Variants in MCM3 observed in about 807,000 individuals in gnomAD.
MCM3 encodes minichromosome maintenance complex component 3.
Under a neutral mutation model 91.3 loss-of-function variants are expected in MCM3, and 59 were observed. The observed-to-expected ratio is 0.65, with a 90% CI of 0.52 to 0.80. MCM3 has a LOEUF of 0.80. Ranked by LOEUF, MCM3 falls within the 30% of genes least tolerant of loss-of-function variation. MCM3 has a pLI of 0.00. For synonymous variants in MCM3, 383 were observed against 379.6 expected (o/e 1.01, Z -0.10); for missense variants, 919 against 1,035.4 (o/e 0.89, Z 1.54).
At chr6:52,274,003 G>A in intron 9 of MCM3, 87 bp from the exon 10 acceptor site, 1 of 1,073,436 alleles carries the variant, frequency 9.3e-7, no homozygotes. Context: ...GAGTGGGAAT[G>A]AAAGGCTTGA....
Position 52,284,540 on chromosome 6 carries a change from G to T in MCM3, c.78+57C>A, listed in dbSNP as rs1007539939. The T allele has an allele frequency of 1.2e-5, 18 of 1,511,412 alleles. 1 individual carries two copies. Among genetic ancestry groups the T allele is most frequent in the Middle Eastern group, 4.4e-4 (2 of 4,548 alleles). 93.6% of individuals were successfully genotyped at this position (1,511,412 alleles called of 1,614,324 possible). A position where few individuals can be genotyped will look rare whatever the true frequency, so the allele number is the denominator to read the frequency against. ...CTGGCGGGCCTCTGGCTTCCCGGCC[G>T]GGCCGCGTCCGCAGGGGCTCCGAGC... On this transcript the variant is annotated intron_variant, in intron 1 of 16. Coordinates refer to ENST00000596288, the MANE Select transcript of MCM3 (RefSeq NM_002388.6).
At chr6:52,268,091 T>C in intron 13 of MCM3, 123 bp from the exon 14 acceptor site, 3 of 1,326,216 alleles carry the variant, frequency 2.3e-6, no homozygotes, top group South Asian at 1.2e-5. Flanking sequence ...ATGGTTTACC[T>C]AGCTCCTCTT....
chr6:52,278,908 T>G (rs1433620611), intron 5 of MCM3, 58 bp from the exon 6 acceptor site: 2 of 1,246,680 alleles, frequency 1.6e-6, no homozygotes, highest in African/African-American at 3.0e-5. Context: ...CATCAGTAGC[T>G]AGTACCCCTA....
chr6:52,275,299 G>A (rs899354270), intron 9 of MCM3, among the ~76,000 whole-genome samples: 1 of 152,160 alleles, frequency 6.6e-6, no homozygotes, highest in Non-Finnish European at 1.5e-5. Context: ...ATGAGCTCTG[G>A]GCTCAAATCC....
intron 9 of MCM3, among the ~76,000 whole-genome samples, chr6:52,274,792 A>C (rs1342487534): frequency 6.6e-6 from 1 of 152,110 alleles, no homozygotes; most frequent in African/African-American, 2.4e-5. Context: ...ACCCATCCAC[A>C]TACACTTCAC....
At chr6:52,281,801 A>T (rs1024474829) in intron 4 of MCM3, among the ~76,000 whole-genome samples, 2 of 152,162 alleles carry the variant, frequency 1.3e-5, no homozygotes, top group Admixed American at 1.3e-4. Flanking sequence ...ACCTGCAAAT[A>T]CCCACTGCAC....
Position 52,273,827 on chromosome 6 carries a change from C to A in MCM3, c.1464G>T (p.Gln488His), listed in dbSNP as rs775833651. 7 of 1,614,086 alleles carry A rather than the reference C, an allele frequency of 4.3e-6. No individual in the cohort carries two copies. In the South Asian group the frequency reaches 7.7e-5, roughly 18 times the overall value. Residue 488 changes from glutamine to histidine, a missense_variant, in exon 10 of 17, where the codon CAG (glutamine) becomes CAT (histidine). By Grantham distance (24) the Gln-to-His change is conservative. Around this residue, in one of 3 missense-constraint regions of MCM3, gnomAD observed 233 missense variants for 321.2 expected, o/e 0.73. Transcript: ENST00000596288. ...RFDLLFIMLDQMDPEQDREIS... is the reference protein window; with the variant it reads ...RFDLLFIMLDHMDPEQDREIS... ...TCTCCCGATCCTGCTCAGGATCCAT[C>A]TGATCCAGCATGATGAAGAGCAAGT...
chr6:52,278,823 C>G lies in MCM3; in HGVS notation c.798G>C (p.Lys266Asn). ...AGGGCTGAGCATCCTTGCTCATCTG[C>G]TTAACATTACAGGCAATCAGGACAG... ...FRTVLIACNV[K>N]QMSKDAQPSF... The change falls in exon 6 of 17, where the codon AAG becomes AAC. Residue 266 changes from lysine to asparagine, a missense_variant. Physicochemically the swap from Lys to Asn is moderately conservative, Grantham distance 94. Around this residue, in one of 3 missense-constraint regions of MCM3, gnomAD observed 401 missense variants for 402.7 expected, o/e 1.00. Transcript: ENST00000596288. 4.3e-6 allele frequency: 7 copies of G among 1,613,716 alleles called. No homozygotes were observed. Among genetic ancestry groups the G allele is most frequent in the Non-Finnish European group, 5.9e-6 (7 of 1,179,690 alleles).
chr6:52,281,026 G>A (rs1385280832), intron 4 of MCM3, among the ~76,000 whole-genome samples: 2 of 152,188 alleles, frequency 1.3e-5, no homozygotes, highest in African/African-American at 4.8e-5. Flanking sequence ...ATAGTGCTTT[G>A]AATACAGTAG....
chr6:52,279,247 G>C lies in MCM3; in HGVS notation c.770+114C>G, dbSNP rs1289536865. 7 of 849,604 alleles carry C rather than the reference G, an allele frequency of 8.2e-6. No homozygotes were observed. The African/African-American group carries it at 1.0e-4, about 12-fold the overall frequency. The allele number at this position is 849,604 out of a possible 1,614,324, so 52.6% of individuals were successfully genotyped here. On this transcript the variant is annotated intron_variant, in intron 5 of 16. Transcript: ENST00000596288. ...AGGTATCCTGTCTCCCAGGCAGGTA[G>C]AGTGCTCCACCTATCAGATATAACT...
chr6:52,284,568 TAGAGCCCG>T (rs1470007864), intron 1 of MCM3, 21 bp downstream of exon 1: 39 of 1,579,324 alleles, frequency 2.5e-5, no homozygotes, highest in Non-Finnish European at 3.3e-5. Context: ...CTCCGAGCGC[TAGAGCCCG>T]CGCGCCGGCG....
chr6:52,264,943 T>C (rs905495386), intron 16 of MCM3, among the ~76,000 whole-genome samples, 157 bp from the exon 17 acceptor site: 1 of 152,188 alleles, frequency 6.6e-6, no homozygotes, highest in Non-Finnish European at 1.5e-5. Context: ...AGTGCTACCC[T>C]TGAGGAGCCC....
At chr6:52,266,567 A>T in intron 15 of MCM3, 44 bp downstream of exon 15, 1 of 1,551,544 alleles carries the variant, frequency 6.4e-7, no homozygotes, top group Non-Finnish European at 8.9e-7. Flanking sequence ...AAAGTCCAAG[A>T]GTCACAGGAA....
Position 52,264,334 on chromosome 6 carries a change from G to A in MCM3, c.*254C>T. 2.1e-6 allele frequency: 1 copy of A among 468,536 alleles called. No individual in the cohort carries two copies. The highest frequency in any genetic ancestry group is 3.9e-6 in the Non-Finnish European group (1 of 255,796). 29.0% of individuals were successfully genotyped at this position (468,536 alleles called of 1,614,324 possible). ...GATGGGAAGTAGGGCGGATGAGCCA[G>A]TGCTTTTGCAATGAAGATGCAATAG... is the stretch of plus-strand genomic sequence containing the variant. On this transcript the variant is annotated 3_prime_UTR_variant, in exon 17 of 17. Transcript: ENST00000596288.
Position 52,264,407 on chromosome 6 carries a change from T to C in MCM3, c.*181A>G. The C allele has an allele frequency of 1.6e-6, 1 of 621,954 alleles. No homozygotes were observed. The highest frequency in any genetic ancestry group is 1.9e-5 in the South Asian group (1 of 51,750). The allele number at this position is 621,954 out of a possible 1,614,324, so 38.5% of individuals were successfully genotyped here. A position where few individuals can be genotyped will look rare whatever the true frequency, so the allele number is the denominator to read the frequency against. ...CCTCTTTCCTCACCCCATGGCAGCT[T>C]TCATGACCCATTCCCAAAGGGTCCA... On this transcript the variant is annotated 3_prime_UTR_variant, in exon 17 of 17. Transcript: ENST00000596288.
chr6:52,276,317 A>G lies in MCM3; in HGVS notation c.1325T>C (p.Leu442Pro). 1 of 1,613,150 alleles carries G rather than the reference A, an allele frequency of 6.2e-7. No homozygotes were observed. Among genetic ancestry groups the G allele is most frequent in the Non-Finnish European group, 8.5e-7 (1 of 1,179,972 alleles). Residue 442 changes from leucine (L) to proline (P), a missense_variant, in exon 9 of 17, where the codon CTG (leucine) becomes CCG (proline). Coordinates refer to ENST00000596288, the MANE Select transcript of MCM3 (RefSeq NM_002388.6). ...TGCCAAAACACTGCAGCGGGCATTC[A>G]GCCGAGCATGGATGCCAGCCTTGGC... ...TIAKAGIHAR[L>P]NARCSVLAAA...
At chr6:52,268,500 C>G (rs529466537) in intron 13 of MCM3, among the ~76,000 whole-genome samples, 4 of 152,304 alleles carry the variant, frequency 2.6e-5, no homozygotes, top group African/African-American at 9.6e-5. Flanking sequence ...AGACTCACAA[C>G]TCAACCCCAA....
At chr6:52,268,553 G>A (rs769516601) in intron 13 of MCM3, among the ~76,000 whole-genome samples, 21 of 152,166 alleles carry the variant, frequency 1.4e-4, no homozygotes, top group Non-Finnish European at 2.4e-4. Context: ...GGGCAACTAG[G>A]AAAAGGGAGT....
intron 5 of MCM3, 71 bp downstream of exon 5, chr6:52,279,290 C>G: frequency 7.4e-7 from 1 of 1,350,854 alleles, no homozygotes; most frequent in Non-Finnish European, 1.0e-6. Flanking sequence ...ATATGGCAAA[C>G]TGGAGAAAGG....
Sources: gnomAD v4.1 joint callset for allele counts (sites outside exome capture counted in the v4.1 genomes callset) on GRCh38, gnomAD v4.1.1 for gene constraint, gnomAD v4.1.1 regional missense constraint, MANE v1.5 for transcripts, NCBI Gene and HGNC (gene_info 2026-07-23, HGNC 2026-07-21) for gene names.